The following BEND6 variants were observed in gnomAD, a reference collection of about 807,000 sequenced individuals.
BEND6 encodes the protein BEN domain containing 6.
A neutral mutation model predicts 31.8 loss-of-function variants in BEND6; 24 were observed. That is an observed-to-expected ratio of 0.75 (90% CI 0.55 to 1.06). The LOEUF is 1.06. BEND6 is among the 50% of genes least tolerant of loss of function. The probability of loss-of-function intolerance (pLI) is 0.00; values close to 1 mark genes in which losing one functional copy is unlikely to be tolerated. For synonymous variants in BEND6, 109 were observed against 114.6 expected (o/e 0.95, Z 0.31); for missense variants, 294 against 327.4 (o/e 0.90, Z 0.79).
intron 2 of BEND6, among the ~76,000 whole-genome samples, chr6:56,982,636 A>G (rs1244121332): frequency 6.6e-6 from 1 of 152,102 alleles, no homozygotes; most frequent in Admixed American, 6.6e-5. Context: ...TTTATTTCAT[A>G]TATTCTTAAT....
intron 6 of BEND6, among the ~76,000 whole-genome samples, chr6:57,019,663 A>T (rs540828077): frequency 3.1e-4 from 47 of 152,354 alleles, no homozygotes; most frequent in Non-Finnish European, 6.3e-4. Flanking sequence ...TACACAACTA[A>T]GACCAGCTCT....
intron 2 of BEND6, 76 bp from the exon 3 acceptor site, chr6:56,992,302 C>T: frequency 7.0e-7 from 1 of 1,434,956 alleles, no homozygotes; most frequent in East Asian, 2.4e-5. Flanking sequence ...GTCCCAACAA[C>T]ATGCAATGGT....
At chr6:56,980,342 C>A (rs1826025523) in intron 1 of BEND6, among the ~76,000 whole-genome samples, 1 of 152,132 alleles carries the variant, frequency 6.6e-6, no homozygotes, top group Non-Finnish European at 1.5e-5. Flanking sequence ...GCGTGAGCCA[C>A]CATGCCTGGC....
At chr6:57,013,313 C>T (rs1218180103) in intron 3 of BEND6, among the ~76,000 whole-genome samples, 2 of 152,166 alleles carry the variant, frequency 1.3e-5, no homozygotes, top group Non-Finnish European at 2.9e-5. Flanking sequence ...AGAAAGAGGG[C>T]AGAGTCTGGG....
At chr6:56,987,482 C>T (rs1826325745) in intron 2 of BEND6, among the ~76,000 whole-genome samples, 2 of 152,136 alleles carry the variant, frequency 1.3e-5, no homozygotes, top group Admixed American at 1.3e-4. Flanking sequence ...AACATGAGGA[C>T]TCTTTAGGGA....
At chr6:57,020,609 C>T (rs866150339) in intron 6 of BEND6, among the ~76,000 whole-genome samples, 9 of 151,744 alleles carry the variant, frequency 5.9e-5, no homozygotes, top group Admixed American at 1.3e-4. Context: ...TTAGTAGAGA[C>T]GGGGGTTTCA....
At chr6:56,987,564 T>C (rs900095926) in intron 2 of BEND6, among the ~76,000 whole-genome samples, 1 of 152,168 alleles carries the variant, frequency 6.6e-6, no homozygotes, top group African/African-American at 2.4e-5. Context: ...CTCTATCATA[T>C]ACCCCCACCT....
At chr6:56,975,285 A>C (rs1436804676) in intron 1 of BEND6, among the ~76,000 whole-genome samples, 1 of 137,454 alleles carries the variant, frequency 7.3e-6, no homozygotes. Context: ...TGTAAAAAAT[A>C]ATCATTCAAT....
chr6:56,992,629 T>G (rs1826549093), intron 3 of BEND6, 74 bp downstream of exon 3: 1 of 1,447,138 alleles, frequency 6.9e-7, no homozygotes, highest in Non-Finnish European at 9.3e-7. Context: ...GCAAATTAGC[T>G]GTCAAGAATG....
intron 1 of BEND6, among the ~76,000 whole-genome samples, chr6:56,980,307 G>A (rs1826024062): frequency 1.3e-5 from 2 of 152,136 alleles, no homozygotes; most frequent in South Asian, 4.1e-4. Flanking sequence ...TCATGCCTCA[G>A]CCTCCAGAGT....
At chr6:56,989,612 T>C (rs1394560240) in intron 2 of BEND6, among the ~76,000 whole-genome samples, 1 of 152,236 alleles carries the variant, frequency 6.6e-6, no homozygotes, top group South Asian at 2.1e-4. Flanking sequence ...ATCTACTCTA[T>C]GCTTTTGTCA....
At position 57,018,491 on chromosome 6, in the gene BEND6, C is replaced by T; in HGVS notation, c.783C>T (p.Asn261=). 6.3e-7 allele frequency: 1 copy of T among 1,587,508 alleles called. No homozygotes were observed. Among genetic ancestry groups the T allele is most frequent in the Middle Eastern group, 1.7e-4 (1 of 6,000 alleles). Residue 261 remains asparagine (N), a synonymous_variant, in exon 6 of 7, where the codon AAC becomes AAT. Transcript: ENST00000370746. ...GGAGAATGATAGGGCAAAAGCTAAA[C>T]AACTGTACCAAGAAGCCAAATTTAA... is the stretch of plus-strand genomic sequence containing the variant. ...SIRRMIGQKL[N]NCTKKPNLSK...
intron 1 of BEND6, among the ~76,000 whole-genome samples, chr6:56,980,517 A>T (rs1442860526): frequency 6.6e-6 from 1 of 152,140 alleles, no homozygotes; most frequent in African/African-American, 2.4e-5. Context: ...TGAAATTATT[A>T]GTAAAGATTG....
chr6:56,985,118 G>C, intron 2 of BEND6, among the ~76,000 whole-genome samples: 1 of 152,240 alleles, frequency 6.6e-6, no homozygotes, highest in Middle Eastern at 3.4e-3. Context: ...GGTGACTGTT[G>C]TACCAAATAT....
At chr6:57,018,618 T>C in intron 6 of BEND6, 61 bp downstream of exon 6, 6 of 1,345,316 alleles carry the variant, frequency 4.5e-6, no homozygotes, top group Non-Finnish European at 5.8e-6. Flanking sequence ...ATACTTTTAT[T>C]TTATTGGAAT....
intron 3 of BEND6, among the ~76,000 whole-genome samples, chr6:57,012,943 C>T (rs989061189): frequency 5.3e-5 from 8 of 152,266 alleles, no homozygotes; most frequent in African/African-American, 1.9e-4. Flanking sequence ...TCATTCTCTA[C>T]GGCAATTTAA....
chr6:56,986,933 G>A (rs577928519), intron 2 of BEND6, among the ~76,000 whole-genome samples: 1 of 151,270 alleles, frequency 6.6e-6, no homozygotes, highest in South Asian at 2.1e-4. Flanking sequence ...GGCACCTTGT[G>A]GCCTCTCTGT....
chr6:56,966,644 T>C (rs1194298958), intron 1 of BEND6, among the ~76,000 whole-genome samples: 6 of 152,214 alleles, frequency 3.9e-5, no homozygotes, highest in African/African-American at 1.4e-4. Flanking sequence ...TGCCTTCCAC[T>C]TTTCCCAGCC....
intron 2 of BEND6, among the ~76,000 whole-genome samples, chr6:56,984,295 G>T (rs535892188): frequency 6.6e-6 from 1 of 151,858 alleles, no homozygotes; most frequent in Admixed American, 6.6e-5. Flanking sequence ...TACATAGGAG[G>T]GTGATTTATA....
Sources: gnomAD v4.1 joint callset for allele counts (sites outside exome capture counted in the v4.1 genomes callset) on GRCh38, gnomAD v4.1.1 for gene constraint, MANE v1.5 for transcripts, NCBI Gene and HGNC (gene_info 2026-07-23, HGNC 2026-07-21) for gene names.